Variants in HLA-F observed in about 807,000 individuals in gnomAD.
HLA-F encodes major histocompatibility complex, class I, F.
A neutral mutation model predicts 49.5 loss-of-function variants in HLA-F; 46 were observed. That is an observed-to-expected ratio of 0.93 (90% confidence interval 0.73 to 1.19). The LOEUF (loss-of-function observed/expected upper bound fraction) is 1.19. HLA-F is among the 50% of genes most tolerant of loss of function. The pLI, the probability that HLA-F is intolerant of heterozygous loss-of-function variation, is 0.00. For synonymous variants in HLA-F, 203 were observed against 233.5 expected, an observed-to-expected ratio of 0.87 and a Z score of 1.19; for missense variants, 496 against 579.6, an observed-to-expected ratio of 0.86 and a Z score of 1.48.
At chr6:29,736,364 A>G in intron 3 of HLA-F, 1 of 451,460 alleles carries the variant, frequency 2.2e-6, no homozygotes. Flanking sequence ...TCTGAGTCAC[A>G]GCATTTATTT....
rs761709533 is a variant in HLA-F at position 29,724,279 on chromosome 6, G to A, written c.441G>A (p.Leu147=). Residue 147 remains leucine, a synonymous_variant, in exon 3 of 7, where the codon CTG becomes CTA. Coordinates refer to ENST00000259951, the MANE Select transcript of HLA-F (RefSeq NM_001098479.2). ...HAYDGKDYIS[L]NEDLRSWTAA... ...ACGACGGCAAGGATTACATCTCCCT[G>A]AACGAGGACCTGCGCTCCTGGACCG... 3.1e-6 allele frequency: 5 copies of A among 1,613,160 alleles called. No individual in the cohort carries two copies. Among genetic ancestry groups the A allele is most frequent in the Admixed American group, 3.3e-5 (2 of 60,014 alleles).
At position 29,726,260 on chromosome 6, in the gene HLA-F, G is replaced by A. The variant is rs749113380; in HGVS notation, c.1036+217G>A. ...CCAGGGCAGGGGCCCTGATGTGAGTGGGGTGTTGGGGGGGAACAGAGGGGA... is the reference window on the plus strand; with the variant it reads ...CCAGGGCAGGGGCCCTGATGTGAGTAGGGTGTTGGGGGGGAACAGAGGGGA... On this transcript the variant is annotated intron_variant, in intron 6 of 6. Transcript: ENST00000259951. 4.1e-6 allele frequency: 4 copies of A among 970,994 alleles called. No homozygotes were observed. In the Admixed American group the frequency reaches 6.8e-5, roughly 17 times the overall value. The allele number at this position is 970,994 out of a possible 1,614,324, so 60.1% of individuals were successfully genotyped here.
intron 3 of HLA-F, chr6:29,736,272 C>T (rs776403035): frequency 2.7e-6 from 1 of 369,810 alleles, no homozygotes; most frequent in Non-Finnish European, 5.2e-6. Context: ...ATTCCTAGTT[C>T]CTGGCTCAAC....
rs891469646 is a variant in HLA-F at position 29,724,273 on chromosome 6, C to T, written c.435C>T (p.Ile145=). ...HQHAYDGKDY[I]SLNEDLRSWT... ...ACGCGTACGACGGCAAGGATTACAT[C>T]TCCCTGAACGAGGACCTGCGCTCCT... Residue 145 remains isoleucine, a synonymous_variant, in exon 3 of 7, where the codon ATC becomes ATT. Transcript: ENST00000259951. The T allele has an allele frequency of 6.2e-7, 1 of 1,613,314 alleles. No homozygotes were observed.
intron 3 of HLA-F, chr6:29,736,163 C>T (rs901499584): frequency 7.2e-6 from 2 of 277,716 alleles, no homozygotes; most frequent in East Asian, 2.1e-4. Context: ...TCCTGACTGA[C>T]CAAGCAACCC....
chr6:29,737,231 A>G (rs1303963002), intron 3 of HLA-F, among the ~76,000 whole-genome samples: 1 of 150,836 alleles, frequency 6.6e-6, no homozygotes, highest in Non-Finnish European at 1.5e-5. Context: ...AAAAAAAAAA[A>G]AAAAAAAAAA....
chr6:29,726,416 C>T, intron 6 of HLA-F: 4 of 1,611,796 alleles, frequency 2.5e-6, no homozygotes, highest in Non-Finnish European at 3.4e-6. Flanking sequence ...GAGACAGCTT[C>T]CTTGTGTGGG....
chr6:29,725,983 C>T, intron 5 of HLA-F, 28 bp from the exon 6 acceptor site: 1 of 1,613,554 alleles, frequency 6.2e-7, no homozygotes, highest in Non-Finnish European at 8.5e-7. Context: ...TCCTTTCTGG[C>T]CTCTCACAGG....
In HLA-F at chr6:29,723,936, A is replaced by C. The variant is rs2076182; in HGVS notation, c.334+9A>C. ...CAACCAGAGCGAGGCTGGTGAGTGAACCCGGCCGGGGGCGCAGGTCACGAC... is the reference window on the plus strand; with the variant it reads ...CAACCAGAGCGAGGCTGGTGAGTGACCCCGGCCGGGGGCGCAGGTCACGAC... On this transcript the variant is annotated intron_variant, in intron 2 of 6. Coordinates refer to ENST00000259951, the MANE Select transcript of HLA-F (RefSeq NM_001098479.2). 0.14 allele frequency: 228,281 copies of C among 1,583,722 alleles called. 19,280 individuals are homozygous for C. The highest frequency in any genetic ancestry group is 0.3 in the South Asian group (26,041 of 87,832).
chr6:29,733,190 G>A lies in HLA-F; in HGVS notation c.404-4932G>A, dbSNP rs199576051. Among the ~76,000 whole-genome samples, 4 of 151,400 alleles carry A rather than the reference G, an allele frequency of 2.6e-5. No individual in the cohort carries two copies. In the East Asian group the frequency reaches 7.8e-4, roughly 30 times the overall value. ...AGTGACAAAGTGAAATTGTGTTTCA[G>A]AAACAAAAACGAAAACAAAAACAAA... On this transcript the variant is annotated intron_variant, in intron 3 of 4. Transcript: ENST00000465459.
intron 6 of HLA-F, chr6:29,726,532 AGAT>A: frequency 6.5e-7 from 1 of 1,527,356 alleles, no homozygotes; most frequent in East Asian, 2.4e-5. Context: ...AGATACAGGT[AGAT>A]ATGTTTTTAT....
intron 3 of HLA-F, chr6:29,736,297 C>T: frequency 2.6e-6 from 1 of 387,312 alleles, no homozygotes; most frequent in South Asian, 2.0e-5. Flanking sequence ...ATTTCCAAAG[C>T]TGTTCTTGCG....
At chr6:29,733,050 C>T (rs1378936985) in intron 3 of HLA-F, among the ~76,000 whole-genome samples, 3 of 152,146 alleles carry the variant, frequency 2.0e-5, no homozygotes, top group Non-Finnish European at 4.4e-5. Flanking sequence ...TTTGCTGGGC[C>T]TGGTGGCGCA....
At chr6:29,734,840 C>G (rs1433806213) in intron 3 of HLA-F, among the ~76,000 whole-genome samples, 3 of 152,158 alleles carry the variant, frequency 2.0e-5, no homozygotes, top group Non-Finnish European at 4.4e-5. Context: ...TGCCACCAGA[C>G]CCTGTCACCA....
Position 29,725,533 on chromosome 6 carries a change from G to A in HLA-F, c.973G>A (p.Ala325Thr), listed in dbSNP as rs201698818. 168 of 1,614,056 alleles carry A rather than the reference G, an allele frequency of 1.0e-4. 1 individual carries two copies. Among genetic ancestry groups the A allele is most frequent in the Middle Eastern group, 9.9e-4 (6 of 6,062 alleles). The change falls in exon 5 of 7, where the codon GCT becomes ACT. Residue 325 changes from alanine (A) to threonine (T), a missense_variant. Physicochemically the swap from Ala to Thr is moderately conservative, Grantham distance 58. Coordinates refer to ENST00000259951, the MANE Select transcript of HLA-F (RefSeq NM_001098479.2). ...LGAVVTGAVV[A>T]AVMWRKKSSD... Reference sequence around the variant, plus strand: ...AGCTGTGGTCACTGGAGCTGTGGTCGCTGCTGTGATGTGGAGGAAGAAGAG... The same window carrying A: ...AGCTGTGGTCACTGGAGCTGTGGTCACTGCTGTGATGTGGAGGAAGAAGAG...
chr6:29,735,470 T>C (rs1480128097), intron 3 of HLA-F: 1 of 150,880 alleles, frequency 6.6e-6, no homozygotes, highest in Non-Finnish European at 1.5e-5. Flanking sequence ...GACCTCTAAA[T>C]TTGTCAACAT....
Position 29,725,525 on chromosome 6 carries a change from CTGTGGTCGCTGCTGTGA to C in HLA-F, c.971_987del (p.Val324GlufsTer7). On this transcript the variant is annotated frameshift_variant, in exon 5 of 7. Transcript: ENST00000259951. LOFTEE classifies it high-confidence loss of function. ...GTCCTTGGAGCTGTGGTCACTGGAGCTGTGGTCGCTGCTGTGATGTGGAGGAAGAAGAGCTCAGGTAG... is the reference window on the plus strand; with the variant it reads ...GTCCTTGGAGCTGTGGTCACTGGAGCTGTGGAGGAAGAAGAGCTCAGGTAG... 6.2e-6 allele frequency: 10 copies of C among 1,614,122 alleles called. No individual in the cohort carries two copies. The highest frequency in any genetic ancestry group is 7.6e-6 in the Non-Finnish European group (9 of 1,179,974).
rs756008669 is a variant in HLA-F, at chr6:29,723,705, C to A, written c.112C>A (p.Arg38Ser). ...YFSTAVSRPG[R>S]GEPRYIAVEY... The stretch of plus-strand genomic sequence containing the variant: ...CAGCACCGCTGTGTCGCGGCCCGGC[C>A]GCGGGGAGCCCCGCTACATCGCCGT... Residue 38 changes from arginine to serine, a missense_variant, in exon 2 of 7, where the codon CGC (arginine) becomes AGC (serine). Physicochemically the swap from Arg to Ser is moderately radical, Grantham distance 110. Coordinates refer to ENST00000259951, the MANE Select transcript of HLA-F (RefSeq NM_001098479.2). 6.2e-7 allele frequency: 1 copy of A among 1,611,624 alleles called. No individual in the cohort carries two copies. The highest frequency in any genetic ancestry group is 1.1e-5 in the South Asian group (1 of 91,000).
downstream of HLA-F, chr6:29,728,350 G>A: frequency 3.2e-6 from 1 of 311,944 alleles, no homozygotes; most frequent in Non-Finnish European, 6.4e-6. Context: ...TGTAACCTGG[G>A]GTCCAGGAAC....
Sources: gnomAD v4.1 joint callset for allele counts (sites outside exome capture counted in the v4.1 genomes callset) on GRCh38, gnomAD v4.1.1 for gene constraint, MANE v1.5 for transcripts, NCBI Gene and HGNC (gene_info 2026-07-23, HGNC 2026-07-21) for gene names.